Variants in POTEE observed in about 807,000 individuals in gnomAD.
POTEE encodes the protein ANKRD26-like family C member 1A.
In POTEE, 21 loss-of-function variants were observed where a neutral mutation model predicts 74.2. The ratio of observed to expected loss-of-function variants is 0.28; its 90% CI spans 0.20 to 0.41. The LOEUF (loss-of-function observed/expected upper bound fraction) is 0.41. Ranked by LOEUF, POTEE falls within the 10% of genes least tolerant of loss-of-function variation. POTEE has a pLI of 1.00. For synonymous variants in POTEE, 211 were observed against 432.8 expected, an observed-to-expected ratio of 0.49 and a Z score of 6.36; for missense variants, 525 against 1,158.6, an observed-to-expected ratio of 0.45 and a Z score of 7.94.
Position 131,218,551 on chromosome 2 carries a change from A to G in POTEE, c.149A>G (p.Asp50Gly). 3 of 1,612,338 alleles carry G rather than the reference A, an allele frequency of 1.9e-6. No individual in the cohort carries two copies. Among genetic ancestry groups the G allele is most frequent in the African/African-American group, 1.4e-5 (1 of 74,038 alleles). ...AACGTGGGCACTTCTGGAGACCACGACGACTCTGCTATGAAGACACTCAGG... is the reference window on the plus strand; with the variant it reads ...AACGTGGGCACTTCTGGAGACCACGGCGACTCTGCTATGAAGACACTCAGG... Reference protein sequence around the residue: ...KSNVGTSGDHDDSAMKTLRSK... With the variant: ...KSNVGTSGDHGDSAMKTLRSK... The change falls in exon 4 of 18, where the codon GAC (aspartate) becomes GGC (glycine). Residue 50 changes from aspartate to glycine, a missense_variant. Physicochemically the swap from Asp to Gly is moderately conservative, Grantham distance 94. Coordinates refer to ENST00000683005, the MANE Select transcript of POTEE (RefSeq NM_001083538.3).
rs1248853806 is a variant in POTEE, at chr2:131,218,769, T to A, written c.367T>A (p.Tyr123Asn). 3 of 1,612,644 alleles carry A rather than the reference T, an allele frequency of 1.9e-6. No individual in the cohort carries two copies. In the African/African-American group the frequency reaches 4.0e-5, roughly 22 times the overall value. The change falls in exon 4 of 18, where the codon TAC becomes AAC. Residue 123 changes from tyrosine (Y) to asparagine (N), a missense_variant. Physicochemically the swap from Tyr to Asn is moderately radical, Grantham distance 143. Transcript: ENST00000683005. ...GAGCAAGGTGGGCGCTTGGGGAGACTACGATGACAGCGCCTTCATGGAGCC... is the reference window on the plus strand; with the variant it reads ...GAGCAAGGTGGGCGCTTGGGGAGACAACGATGACAGCGCCTTCATGGAGCC... ...GKSKVGAWGD[Y>N]DDSAFMEPRY...
At chr2:131,214,615 G>C (rs1244136951) in intron 2 of POTEE, among the ~76,000 whole-genome samples, 3 of 152,028 alleles carry the variant, frequency 2.0e-5, no homozygotes, top group Non-Finnish European at 2.9e-5. Context: ...TATTTTGTAA[G>C]AAAAATAGAA....
chr2:131,264,692 T>C lies in POTEE; in HGVS notation c.*9T>C. The C allele has an allele frequency of 1.3e-6, 1 of 768,514 alleles. No homozygotes were observed. The highest frequency in any genetic ancestry group is 1.9e-5 in the South Asian group (1 of 53,202). 47.6% of individuals were successfully genotyped at this position (768,514 alleles called of 1,614,324 possible). A position where few individuals can be genotyped will look rare whatever the true frequency, so the allele number is the denominator to read the frequency against. On this transcript the variant is annotated 3_prime_UTR_variant, in exon 18 of 18. Coordinates refer to ENST00000683005, the MANE Select transcript of POTEE (RefSeq NM_001083538.3). ...ACCGCAAATGCTTCTAGGTGGACTC[T>C]GACTTAGTTGCGTTACACCCTTTCT...
At chr2:131,226,689 G>A in intron 6 of POTEE, 134 bp from the exon 7 acceptor site, 1 of 1,392,180 alleles carries the variant, frequency 7.2e-7, no homozygotes, top group Non-Finnish European at 9.7e-7. Flanking sequence ...ACAGAAGAGT[G>A]AGAAGGAAGC....
At chr2:131,216,802 C>T (rs1444441515) in intron 2 of POTEE, among the ~76,000 whole-genome samples, 3 of 151,508 alleles carry the variant, frequency 2.0e-5, no homozygotes, top group African/African-American at 4.9e-5. Flanking sequence ...GTAAGTCACA[C>T]GTAACTATAT....
chr2:131,225,518 G>A (rs1700754981), intron 6 of POTEE, among the ~76,000 whole-genome samples: 1 of 145,224 alleles, frequency 6.9e-6, no homozygotes, highest in African/African-American at 2.5e-5. Flanking sequence ...AAGAGTTGGG[G>A]TTGGATATGT....
chr2:131,224,942 AAG>A (rs1700733808), intron 6 of POTEE, among the ~76,000 whole-genome samples: 1 of 152,108 alleles, frequency 6.6e-6, no homozygotes, highest in Non-Finnish European at 1.5e-5. Context: ...AACAAGTAAC[AAG>A]ATCAAGTTGG....
At chr2:131,222,638 A>C (rs1700658700) in intron 4 of POTEE, among the ~76,000 whole-genome samples, 2 of 152,224 alleles carry the variant, frequency 1.3e-5, no homozygotes, top group Admixed American at 1.3e-4. Flanking sequence ...TAACAGTCTT[A>C]AATCCTAATA....
At chr2:131,221,442 A>T (rs1190732455) in intron 4 of POTEE, among the ~76,000 whole-genome samples, 1 of 152,070 alleles carries the variant, frequency 6.6e-6, no homozygotes, top group Non-Finnish European at 1.5e-5. Flanking sequence ...GTTTCTGGGG[A>T]TTTGTAAGTG....
intron 1 of POTEE, among the ~76,000 whole-genome samples, chr2:131,210,553 C>T (rs1371708681): frequency 6.6e-6 from 1 of 152,068 alleles, no homozygotes; most frequent in Non-Finnish European, 1.5e-5. Flanking sequence ...TCCAGAGTTC[C>T]TGCTCGTGCA....
rs371706116 is a variant in POTEE at position 131,263,384 on chromosome 2, C to T, written c.1929C>T (p.Asp643=). The T allele has an allele frequency of 2.0e-5, 32 of 1,611,540 alleles. No individual in the cohort carries two copies. Among genetic ancestry groups the T allele is most frequent in the African/African-American group, 1.1e-4 (8 of 74,662 alleles). ...ELSLSCKKEK[D]VLHENSTLRE... is the part of the protein sequence containing the mutation. ...CTCTTAGTTGTAAGAAAGAAAAAGA[C>T]GTCTTGCATGAAAATAGTACGTTGC... The change falls in exon 18 of 18, where the codon GAC becomes GAT. Residue 643 remains aspartate, a synonymous_variant. Coordinates refer to ENST00000683005, the MANE Select transcript of POTEE (RefSeq NM_001083538.3).
At position 131,230,845 on chromosome 2, in the gene POTEE, GTTAC is replaced by G; in HGVS notation, c.1068_1071del (p.Leu356PhefsTer10). ...ACATTTTTATACATAGAATTTGCCA[GTTAC>G]TTTCTGACTACAAAGAAAAACAGAT... On this transcript the variant is annotated frameshift_variant, in exon 9 of 18. Transcript: ENST00000683005. LOFTEE classifies it high-confidence loss of function. 1 of 1,347,056 alleles carries G rather than the reference GTTAC, an allele frequency of 7.4e-7. No individual in the cohort carries two copies. The allele number at this position is 1,347,056 out of a possible 1,614,324, so 83.4% of individuals were successfully genotyped here.
At position 131,218,542 on chromosome 2, in the gene POTEE, G is replaced by A. The variant is rs1700507688; in HGVS notation, c.140G>A (p.Gly47Glu). ...GGCAAGAGCAACGTGGGCACTTCTG[G>A]AGACCACGACGACTCTGCTATGAAG... ...ESGKSNVGTSGDHDDSAMKTL... is the reference protein window; with the variant it reads ...ESGKSNVGTSEDHDDSAMKTL... Residue 47 changes from glycine (G) to glutamate (E), a missense_variant, in exon 4 of 18, where the codon GGA becomes GAA. Transcript: ENST00000683005. The A allele has an allele frequency of 1.9e-6, 3 of 1,612,642 alleles. No individual in the cohort carries two copies. The highest frequency in any genetic ancestry group is 4.5e-5 in the East Asian group (2 of 44,768).
At chr2:131,227,323 A>G (rs1449156928) in intron 7 of POTEE, among the ~76,000 whole-genome samples, 14 of 149,920 alleles carry the variant, frequency 9.3e-5, no homozygotes. Flanking sequence ...TGCTGTATTA[A>G]ACATAAATAG....
intron 9 of POTEE, among the ~76,000 whole-genome samples, chr2:131,231,813 T>A (rs1333617818): frequency 1.3e-5 from 2 of 152,178 alleles, no homozygotes; most frequent in Non-Finnish European, 2.9e-5. Context: ...AAAACGCTAG[T>A]ATGCTACCTG....
At chr2:131,233,475 G>A (rs1426976777) in intron 9 of POTEE, among the ~76,000 whole-genome samples, 1 of 152,048 alleles carries the variant, frequency 6.6e-6, no homozygotes, top group African/African-American at 2.4e-5. Flanking sequence ...GGAAGTTTTC[G>A]CAGTAGTCAG....
At chr2:131,221,904 T>G (rs1700630396) in intron 4 of POTEE, among the ~76,000 whole-genome samples, 1 of 152,252 alleles carries the variant, frequency 6.6e-6, no homozygotes, top group Non-Finnish European at 1.5e-5. Flanking sequence ...TTTCAATCCA[T>G]TTAGTCATCA....
chr2:131,209,781 C>G lies in POTEE; in HGVS notation c.-383C>G, dbSNP rs1346822972. On this transcript the variant is annotated 5_prime_UTR_variant, in exon 1 of 18. Transcript: ENST00000683005. Reference sequence around the variant, plus strand: ...CTGTGTTTGGTGGTGACGTGGGACACTGCAGCTCGGCCAGAGTGGTAGAAA... The same window carrying G: ...CTGTGTTTGGTGGTGACGTGGGACAGTGCAGCTCGGCCAGAGTGGTAGAAA... 6.6e-6 allele frequency among the ~76,000 whole-genome samples: 1 copy of G among 152,200 alleles called. No homozygotes were observed. Among genetic ancestry groups the G allele is most frequent in the Non-Finnish European group, 1.5e-5 (1 of 68,032 alleles).
At chr2:131,220,360 C>T (rs571599811) in intron 4 of POTEE, among the ~76,000 whole-genome samples, 104 of 151,158 alleles carry the variant, frequency 6.9e-4, no homozygotes, top group South Asian at 5.2e-3. Context: ...CCTGCCACCA[C>T]GCCTGGCTAA....
Sources: gnomAD v4.1 joint callset for allele counts (sites outside exome capture counted in the v4.1 genomes callset) on GRCh38, gnomAD v4.1.1 for gene constraint, MANE v1.5 for transcripts, NCBI Gene and HGNC (gene_info 2026-07-23, HGNC 2026-07-21) for gene names.